Variants in SYNPR observed in about 807,000 individuals in gnomAD.
SYNPR encodes the protein synaptoporin.
In SYNPR, 23 loss-of-function variants were observed where a neutral mutation model predicts 32.9. The ratio of observed to expected loss-of-function variants is 0.70; its 90% CI spans 0.50 to 0.99. SYNPR has a LOEUF of 0.99. Ranked by LOEUF, SYNPR falls within the 50% of genes least tolerant of loss-of-function variation. The pLI, the probability that SYNPR is intolerant of heterozygous loss-of-function variation, is 0.00. For synonymous variants in SYNPR, 146 were observed against 135.9 expected, an observed-to-expected ratio of 1.07 and a Z score of -0.52; for missense variants, 318 against 349.3, an observed-to-expected ratio of 0.91 and a Z score of 0.71.
At chr3:63,279,869 G>A (rs1178220139) in intron 2 of SYNPR, among the ~76,000 whole-genome samples, 1 of 152,162 alleles carries the variant, frequency 6.6e-6, no homozygotes, top group African/African-American at 2.4e-5. Flanking sequence ...TATCAATATT[G>A]CATACACCAG....
intron 2 of SYNPR, among the ~76,000 whole-genome samples, chr3:63,294,262 A>G (rs932131041): frequency 7.2e-5 from 11 of 152,142 alleles, no homozygotes; most frequent in African/African-American, 2.7e-4. Flanking sequence ...GGCTCAGAAG[A>G]TTATACATTT....
At chr3:63,374,305 G>T (rs1575614857) in intron 2 of SYNPR, among the ~76,000 whole-genome samples, 1 of 152,008 alleles carries the variant, frequency 6.6e-6, no homozygotes, top group Admixed American at 6.6e-5. Flanking sequence ...TAATTATGTG[G>T]TTTTGTTTTT....
At chr3:63,411,318 T>C (rs984274354) in intron 2 of SYNPR, among the ~76,000 whole-genome samples, 4 of 152,128 alleles carry the variant, frequency 2.6e-5, no homozygotes, top group Non-Finnish European at 4.4e-5. Flanking sequence ...CTGGCCTATG[T>C]CCTCTTAGAT....
intron 2 of SYNPR, among the ~76,000 whole-genome samples, chr3:63,346,805 G>T (rs1351123485): frequency 6.6e-6 from 1 of 152,112 alleles, no homozygotes; most frequent in Non-Finnish European, 1.5e-5. Flanking sequence ...AACTCTGTCG[G>T]CTTGCCTTAA....
intron 2 of SYNPR, among the ~76,000 whole-genome samples, chr3:63,398,914 A>G (rs2088253595): frequency 6.6e-6 from 1 of 152,198 alleles, no homozygotes; most frequent in Admixed American, 6.5e-5. Context: ...TGCAGTTTTT[A>G]AGGATTCTTT....
intron 3 of SYNPR, among the ~76,000 whole-genome samples, chr3:63,552,854 C>T (rs1228414775): frequency 6.6e-6 from 1 of 152,166 alleles, no homozygotes; most frequent in Admixed American, 6.5e-5. Flanking sequence ...CTTAATCTTT[C>T]TAAGCCTTAG....
At chr3:63,304,392 T>G (rs573454292) in intron 2 of SYNPR, among the ~76,000 whole-genome samples, 2 of 151,484 alleles carry the variant, frequency 1.3e-5, no homozygotes, top group South Asian at 2.1e-4. Flanking sequence ...GTAAGAAATT[T>G]TAAATCACCG....
intron 2 of SYNPR, among the ~76,000 whole-genome samples, chr3:63,319,564 C>G (rs1317878309): frequency 2.0e-5 from 3 of 151,868 alleles, no homozygotes; most frequent in Non-Finnish European, 4.4e-5. Context: ...ATAAACTTAA[C>G]TCACAAAGTT....
intron 3 of SYNPR, among the ~76,000 whole-genome samples, chr3:63,499,993 A>T (rs1575677556): frequency 6.6e-6 from 1 of 152,150 alleles, no homozygotes; most frequent in African/African-American, 2.4e-5. Context: ...TTGGGATTAA[A>T]TTTTTTTAAA....
At chr3:63,519,187 T>C (rs1025204987) in intron 3 of SYNPR, among the ~76,000 whole-genome samples, 3 of 152,164 alleles carry the variant, frequency 2.0e-5, no homozygotes, top group African/African-American at 7.2e-5. Flanking sequence ...GATTTTTGCA[T>C]CGATGTTCAT....
chr3:63,478,758 A>G (rs1231139362), intron 2 of SYNPR, among the ~76,000 whole-genome samples: 5 of 152,144 alleles, frequency 3.3e-5, no homozygotes, highest in Admixed American at 3.3e-4. Flanking sequence ...ACAGATGAGG[A>G]AACTTGGAGA....
At chr3:63,429,567 G>GT (rs1481912766) in intron 2 of SYNPR, among the ~76,000 whole-genome samples, 1 of 152,110 alleles carries the variant, frequency 6.6e-6, no homozygotes, top group Non-Finnish European at 1.5e-5. Flanking sequence ...AAAATTTCAA[G>GT]TTGTTTTAAA....
chr3:63,228,566 A>G (rs193176855), intron 1 of SYNPR, among the ~76,000 whole-genome samples: 1 of 152,262 alleles, frequency 6.6e-6, no homozygotes, highest in East Asian at 1.9e-4. Context: ...GATAGTTTCT[A>G]CCTTTCTCCT....
chr3:63,403,188 A>G (rs1172867059), intron 2 of SYNPR, among the ~76,000 whole-genome samples: 3 of 152,130 alleles, frequency 2.0e-5, no homozygotes, highest in African/African-American at 7.2e-5. Context: ...ACCATATAAC[A>G]TGCTCTGGCT....
chr3:63,397,550 A>C (rs2088232179), intron 2 of SYNPR, among the ~76,000 whole-genome samples: 2 of 152,152 alleles, frequency 1.3e-5, no homozygotes, highest in African/African-American at 4.8e-5. Context: ...GACCCAGAGA[A>C]TGACAGTTAT....
chr3:63,463,546 T>G (rs1475987171), intron 2 of SYNPR, among the ~76,000 whole-genome samples: 1 of 152,180 alleles, frequency 6.6e-6, no homozygotes, highest in Non-Finnish European at 1.5e-5. Flanking sequence ...TTATAAGTTG[T>G]GCTTCTCTGT....
intron 2 of SYNPR, among the ~76,000 whole-genome samples, chr3:63,258,028 A>C (rs1486140793): frequency 6.6e-6 from 1 of 152,200 alleles, no homozygotes. Flanking sequence ...TAACTATCCT[A>C]AATATATATG....
At chr3:63,496,804 C>T (rs1007601352) in intron 3 of SYNPR, among the ~76,000 whole-genome samples, 2 of 112,304 alleles carry the variant, frequency 1.8e-5, no homozygotes, top group Non-Finnish European at 3.8e-5. Flanking sequence ...CTCTTGCCCA[C>T]CTGCCCCCAG....
intron 3 of SYNPR, among the ~76,000 whole-genome samples, chr3:63,501,984 T>C (rs1451184965): frequency 1.3e-5 from 2 of 152,020 alleles, no homozygotes; most frequent in African/African-American, 4.8e-5. Context: ...CACATTACAT[T>C]TCAAAGACTT....
Sources: gnomAD v4.1 joint callset for allele counts (sites outside exome capture counted in the v4.1 genomes callset) on GRCh38, gnomAD v4.1.1 for gene constraint, MANE v1.5 for transcripts, NCBI Gene and HGNC (gene_info 2026-07-23, HGNC 2026-07-21) for gene names.